Variants in PCDHGB2 observed in about 807,000 individuals in gnomAD.
PCDHGB2 encodes protocadherin gamma-B2.
Under a neutral mutation model 59.3 loss-of-function variants are expected in PCDHGB2, and 55 were observed. The observed-to-expected ratio is 0.93, with a 90% CI of 0.75 to 1.16. The LOEUF is 1.16. Among genes scored for constraint, PCDHGB2 ranks in the 50% most tolerant of loss-of-function variants. PCDHGB2 has a pLI of 0.00. For synonymous variants in PCDHGB2, 516 were observed against 512.0 expected, an observed-to-expected ratio of 1.01 and a Z score of -0.11; for missense variants, 1,228 against 1,198.5, an observed-to-expected ratio of 1.02 and a Z score of -0.36.
At chr5:141,418,435 A>G (rs1237542659) in intron 1 of PCDHGB2, 1 of 1,614,038 alleles carries the variant, frequency 6.2e-7, no homozygotes, top group South Asian at 1.1e-5. Context: ...GCAAATATCC[A>G]GAATTAGTAT....
intron 1 of PCDHGB2, chr5:141,433,284 C>T: frequency 8.5e-7 from 1 of 1,176,236 alleles, no homozygotes; most frequent in Non-Finnish European, 1.2e-6. Flanking sequence ...GCCTCAAACT[C>T]CTAGGCTCAA....
intron 1 of PCDHGB2, chr5:141,372,604 C>A: frequency 6.2e-7 from 1 of 1,613,988 alleles, no homozygotes; most frequent in Non-Finnish European, 8.5e-7. Context: ...AAGACTGTAC[C>A]TGGAGTTCTC....
intron 1 of PCDHGB2, among the ~76,000 whole-genome samples, chr5:141,469,522 C>T (rs1409427974): frequency 2.6e-5 from 4 of 152,088 alleles, no homozygotes; most frequent in African/African-American, 9.7e-5. Flanking sequence ...TTGCAGTGAG[C>T]CAAGATTGTG....
chr5:141,382,081 G>A (rs933434638), intron 1 of PCDHGB2, among the ~76,000 whole-genome samples: 12 of 151,852 alleles, frequency 7.9e-5, no homozygotes, highest in Non-Finnish European at 1.6e-4. Context: ...CGCCCGCCTC[G>A]GCCTCACAAA....
chr5:141,464,896 G>C (rs1166142533), intron 1 of PCDHGB2, among the ~76,000 whole-genome samples: 2 of 151,554 alleles, frequency 1.3e-5, no homozygotes, highest in African/African-American at 4.8e-5. Context: ...ATGCCACCAT[G>C]TCCAGCTAAT....
chr5:141,432,725 G>A lies in PCDHGB2; in HGVS notation c.2422-62082G>A, dbSNP rs755759587. The A allele has an allele frequency of 7.4e-6, 12 of 1,613,896 alleles. No individual in the cohort carries two copies. Among genetic ancestry groups the A allele is most frequent in the African/African-American group, 1.3e-5 (1 of 74,932 alleles). On this transcript the variant is annotated intron_variant, in intron 1 of 3. Transcript: ENST00000522605. This position sits in a 1 kb window ranked among gnomAD's most constrained non-coding sequence, Gnocchi z 6.0. ...GGACCACGGCCAGCCCCCTCTCTCC[G>A]CCACTGTCACGCTCACCGTGGCCGT...
chr5:141,375,714 G>C, intron 1 of PCDHGB2: 1 of 1,614,262 alleles, frequency 6.2e-7, no homozygotes, highest in Non-Finnish European at 8.5e-7. Context: ...CCTCTTAGCA[G>C]CAACGTGTCA....
chr5:141,484,096 G>A (rs539388257), intron 1 of PCDHGB2, among the ~76,000 whole-genome samples: 1 of 152,126 alleles, frequency 6.6e-6, no homozygotes, highest in South Asian at 2.1e-4. Flanking sequence ...GTCTTCGTTG[G>A]TAATTAACAA....
Position 141,490,522 on chromosome 5 carries a change from G to A in PCDHGB2, c.2422-4285G>A, listed in dbSNP as rs191201177. ...CTATATCATCGAGCTGCTGGCCAGC[G>A]ATGCTGGTTCACCTTCCCTACACAA... On this transcript the variant is annotated intron_variant, in intron 1 of 3. Transcript: ENST00000522605. This position sits in a 1 kb window ranked among gnomAD's most constrained non-coding sequence, Gnocchi z 5.4. 5.0e-6 allele frequency: 8 copies of A among 1,614,054 alleles called. No homozygotes were observed. Among genetic ancestry groups the A allele is most frequent in the Admixed American group, 3.3e-5 (2 of 60,010 alleles).
At chr5:141,389,014 A>G (rs768171301) in intron 1 of PCDHGB2, 54 of 1,614,000 alleles carry the variant, frequency 3.3e-5, no homozygotes, top group Non-Finnish European at 4.5e-5. Flanking sequence ...TCCAGACACA[A>G]TGGAGAAGTG....
intron 1 of PCDHGB2, chr5:141,420,307 A>G (rs2096487660): frequency 1.5e-5 from 22 of 1,459,622 alleles, no homozygotes; most frequent in Non-Finnish European, 1.8e-5. Flanking sequence ...AATCCTTTTT[A>G]TATTACAATA....
rs369942815 is a variant in PCDHGB2, at chr5:141,485,334, T to A, written c.2422-9473T>A. 5.4e-5 allele frequency: 87 copies of A among 1,614,056 alleles called. No individual in the cohort carries two copies. Among genetic ancestry groups the A allele is most frequent in the Non-Finnish European group, 7.0e-5 (83 of 1,180,026 alleles). On this transcript the variant is annotated intron_variant, in intron 1 of 3. Coordinates refer to ENST00000522605, the MANE Select transcript of PCDHGB2 (RefSeq NM_018923.3). The surrounding 1 kb of genome is among the most constrained non-coding windows in gnomAD (Gnocchi z 5.7). Reference sequence around the variant, plus strand: ...GGGAATGTCGCTCAAGATTTCCTGCTGGATACGGACAGTCTGTCAGCTCGC... The same window carrying A: ...GGGAATGTCGCTCAAGATTTCCTGCAGGATACGGACAGTCTGTCAGCTCGC...
In PCDHGB2 at chr5:141,489,950, A is replaced by G; in HGVS notation, c.2422-4857A>G. 2 of 1,614,192 alleles carry G rather than the reference A, an allele frequency of 1.2e-6. No individual in the cohort carries two copies. The highest frequency in any genetic ancestry group is 1.1e-5 in the South Asian group (1 of 91,088). ...TCTGTCATCGTGCTGGACATCAATG[A>G]TAATGCTCCAACCTTCCAATCCTCA... On this transcript the variant is annotated intron_variant, in intron 1 of 3. Transcript: ENST00000522605. The surrounding 1 kb of genome is among the most constrained non-coding windows in gnomAD (Gnocchi z 4.5).
At chr5:141,445,508 T>C (rs2098468947) in intron 1 of PCDHGB2, among the ~76,000 whole-genome samples, 1 of 152,200 alleles carries the variant, frequency 6.6e-6, no homozygotes, top group Non-Finnish European at 1.5e-5. Context: ...TAATACATGA[T>C]ATTTTACAGG....
intron 1 of PCDHGB2, among the ~76,000 whole-genome samples, chr5:141,468,186 A>G (rs2099159540): frequency 6.6e-6 from 1 of 151,848 alleles, no homozygotes; most frequent in African/African-American, 2.4e-5. Context: ...TTTGCTGGGC[A>G]TGGTGGCGGG....
At position 141,391,015 on chromosome 5, in the gene PCDHGB2, CAAAGA is replaced by C. The variant is rs1353502690; in HGVS notation, c.2421+28465_2421+28469del. On this transcript the variant is annotated intron_variant, in intron 1 of 3. Transcript: ENST00000522605. ...TTCAAGCTCATTCTATATCCTTCAT[CAAAGA>C]AAAGACAATGTTTTGTGTCTGTTGT... 3.3e-5 allele frequency: 5 copies of C among 152,166 alleles called. No individual in the cohort carries two copies. The East Asian group carries it at 9.6e-4, about 29-fold the overall frequency. The allele number at this position is 152,166 out of a possible 1,614,324, so 9.4% of individuals were successfully genotyped here. A position where few individuals can be genotyped will look rare whatever the true frequency, so the allele number is the denominator to read the frequency against.
At chr5:141,444,531 CTG>C (rs2098439915) in intron 1 of PCDHGB2, among the ~76,000 whole-genome samples, 1 of 152,100 alleles carries the variant, frequency 6.6e-6, no homozygotes, top group Non-Finnish European at 1.5e-5. Context: ...GAGACAGTGA[CTG>C]TGTCTAGTGA....
chr5:141,497,062 A>C (rs779414748), intron 2 of PCDHGB2, among the ~76,000 whole-genome samples: 6 of 152,024 alleles, frequency 3.9e-5, no homozygotes, highest in Non-Finnish European at 7.4e-5. Flanking sequence ...GGTGGCAGGC[A>C]CCTGTAATCC....
intron 1 of PCDHGB2, among the ~76,000 whole-genome samples, chr5:141,470,598 G>A (rs2099234276): frequency 6.6e-6 from 1 of 152,184 alleles, no homozygotes; most frequent in Admixed American, 6.5e-5. Flanking sequence ...GGCGACCTGT[G>A]CGGGGACACA....
Sources: gnomAD v4.1 joint callset for allele counts (sites outside exome capture counted in the v4.1 genomes callset) on GRCh38, gnomAD v4.1.1 for gene constraint, Gnocchi (gnomAD v3.1) non-coding constraint, MANE v1.5 for transcripts, NCBI Gene and HGNC (gene_info 2026-07-23, HGNC 2026-07-21) for gene names.